SRL: variants seen among roughly 807,000 people sequenced by gnomAD.
SRL encodes sarcalumenin.
A neutral mutation model predicts 39.5 loss-of-function variants in SRL; 23 were observed. The observed-to-expected ratio is 0.58, with a 90% CI of 0.42 to 0.82. The LOEUF (loss-of-function observed/expected upper bound fraction) is 0.82, where lower values mean the gene tolerates loss of function less well. Ranked by LOEUF, SRL falls within the 40% of genes least tolerant of loss-of-function variation. SRL has a pLI of 0.00. For missense variants in SRL, 592 were observed against 607.8 expected, an observed-to-expected ratio of 0.97 and a Z score of 0.27; for synonymous variants, 272 against 237.4, an observed-to-expected ratio of 1.15 and a Z score of -1.34.
intron 1 of SRL, among the ~76,000 whole-genome samples, chr16:4,231,862 A>G (rs1269869740): frequency 6.6e-6 from 1 of 152,228 alleles, no homozygotes; most frequent in Non-Finnish European, 1.5e-5. Context: ...CTTAGAAAGT[A>G]TCTATTATCA....
chr16:4,194,325 C>T (rs2052106068), intron 5 of SRL, among the ~76,000 whole-genome samples: 2 of 152,214 alleles, frequency 1.3e-5, no homozygotes, highest in African/African-American at 4.8e-5. Flanking sequence ...ATCTCCCCTT[C>T]CCCCCAGCCC....
intron 3 of SRL, among the ~76,000 whole-genome samples, chr16:4,201,876 G>A (rs916503703): frequency 1.3e-5 from 2 of 151,128 alleles, no homozygotes; most frequent in Admixed American, 6.6e-5. Context: ...GGCTGGTCTC[G>A]AACTCCTGAC....
intron 1 of SRL, chr16:4,239,841 T>A (rs2052753570): frequency 6.6e-6 from 1 of 152,194 alleles, no homozygotes; most frequent in East Asian, 1.9e-4. Context: ...TCCCACTGCT[T>A]TAAGGAGGAA....
chr16:4,213,044 T>C (rs776003254), intron 1 of SRL, among the ~76,000 whole-genome samples: 10 of 152,190 alleles, frequency 6.6e-5, no homozygotes, highest in Non-Finnish European at 1.3e-4. Flanking sequence ...TTGCCCAAGA[T>C]TGGGGCAGGG....
chr16:4,236,873 G>C (rs953679148), intron 1 of SRL, among the ~76,000 whole-genome samples: 2 of 151,874 alleles, frequency 1.3e-5, no homozygotes, highest in African/African-American at 4.8e-5. Context: ...TCGAACTCCT[G>C]ACCTCGTGAT....
intron 1 of SRL, among the ~76,000 whole-genome samples, chr16:4,226,361 G>A (rs925564238): frequency 6.6e-6 from 1 of 152,066 alleles, no homozygotes; most frequent in African/African-American, 2.4e-5. Context: ...TGGATGGGTA[G>A]ATGGATGAAT....
At chr16:4,217,942 C>G (rs2141051846) in intron 1 of SRL, among the ~76,000 whole-genome samples, 1 of 152,276 alleles carries the variant, frequency 6.6e-6, no homozygotes, top group Admixed American at 6.5e-5. Flanking sequence ...CTCCTCCTCC[C>G]TGGCTGCCAG....
intron 1 of SRL, chr16:4,207,007 C>T (rs1337813318): frequency 6.6e-6 from 3 of 454,236 alleles, no homozygotes; most frequent in African/African-American, 6.0e-5. Flanking sequence ...GGCTCCTCGG[C>T]TTCCTGGGGA....
chr16:4,217,530 G>A (rs935816608), intron 1 of SRL, among the ~76,000 whole-genome samples: 4 of 152,200 alleles, frequency 2.6e-5, no homozygotes, highest in African/African-American at 7.2e-5. Flanking sequence ...GGGATTACAG[G>A]CGTGAGCCAC....
At chr16:4,199,387 T>G (rs1466910614) in intron 3 of SRL, among the ~76,000 whole-genome samples, 2 of 122,570 alleles carry the variant, frequency 1.6e-5, no homozygotes, top group Non-Finnish European at 3.1e-5. Flanking sequence ...TTTTTTTTTT[T>G]TTGAGACAGT....
At chr16:4,198,883 C>T (rs949782391) in intron 3 of SRL, among the ~76,000 whole-genome samples, 7 of 152,222 alleles carry the variant, frequency 4.6e-5, no homozygotes, top group African/African-American at 1.2e-4. Flanking sequence ...GGAGATGACC[C>T]TGCAAGGGCC....
intron 1 of SRL, among the ~76,000 whole-genome samples, chr16:4,226,158 T>C (rs932824452): frequency 6.6e-6 from 1 of 152,194 alleles, no homozygotes; most frequent in Non-Finnish European, 1.5e-5. Flanking sequence ...GTCTTCCCCA[T>C]CTTCCATCCC....
At chr16:4,197,129 C>G (rs867786447) in intron 4 of SRL, among the ~76,000 whole-genome samples, 1 of 121,980 alleles carries the variant, frequency 8.2e-6, no homozygotes, top group South Asian at 2.7e-4. Context: ...AGTGCAGTGG[C>G]GCGATTTTGG....
At chr16:4,204,777 T>C in intron 1 of SRL, 143 bp from the exon 2 acceptor site, 1 of 664,430 alleles carries the variant, frequency 1.5e-6, no homozygotes, top group Non-Finnish European at 2.6e-6. Flanking sequence ...GCTCTGCCTT[T>C]AGGAAGGAAT....
At chr16:4,239,970 T>G (rs1207741343) in intron 1 of SRL, among the ~76,000 whole-genome samples, 1 of 152,110 alleles carries the variant, frequency 6.6e-6, no homozygotes, top group Non-Finnish European at 1.5e-5. Flanking sequence ...TCCTTCCCCG[T>G]CCTGGCATGG....
chr16:4,220,414 C>T (rs974835924), intron 1 of SRL, among the ~76,000 whole-genome samples: 4 of 151,888 alleles, frequency 2.6e-5, no homozygotes, highest in Non-Finnish European at 5.9e-5. Flanking sequence ...CGCCATTGCA[C>T]TCCAGCCTCA....
chr16:4,219,490 A>G (rs1205768949), intron 1 of SRL, among the ~76,000 whole-genome samples: 1 of 152,010 alleles, frequency 6.6e-6, no homozygotes, highest in Non-Finnish European at 1.5e-5. Flanking sequence ...GTCTCGCTCT[A>G]TCACCCAGGC....
chr16:4,235,803 C>T (rs896235172), intron 1 of SRL, among the ~76,000 whole-genome samples: 15 of 152,192 alleles, frequency 9.9e-5, no homozygotes, highest in Admixed American at 8.5e-4. Context: ...AAAAAGCTAG[C>T]CCTGGGCCGG....
chr16:4,208,356 AC>A (rs1035746845), intron 1 of SRL, among the ~76,000 whole-genome samples: 85 of 152,280 alleles, frequency 5.6e-4, no homozygotes, highest in African/African-American at 1.8e-3. Flanking sequence ...TCCATCACTA[AC>A]GAAGTGAGCA....
Sources: allele counts gnomAD v4.1 joint callset (sites outside exome capture counted in the v4.1 genomes callset), GRCh38; gene constraint gnomAD v4.1.1; transcripts MANE v1.5; gene names NCBI Gene and HGNC (gene_info 2026-07-23, HGNC 2026-07-21).